The following ATP5F1A variants were observed in gnomAD, a reference collection of about 807,000 sequenced individuals.
ATP5F1A encodes ATP synthase F1 subunit alpha.
In ATP5F1A, 24 loss-of-function variants were observed where a neutral mutation model predicts 57.4. That is an observed-to-expected ratio of 0.42 (90% CI 0.30 to 0.59). The LOEUF is 0.59. Among genes scored for constraint, ATP5F1A ranks in the 20% least tolerant of loss-of-function variants. The probability of loss-of-function intolerance (pLI) is 0.19; values close to 1 mark genes in which losing one functional copy is unlikely to be tolerated. For missense variants in ATP5F1A, 494 were observed against 707.9 expected, an observed-to-expected ratio of 0.70 and a Z score of 3.43; for synonymous variants, 251 against 255.5, an observed-to-expected ratio of 0.98 and a Z score of 0.17.
chr18:46,084,666 C>G lies in ATP5F1A; in HGVS notation c.1430-12G>C, dbSNP rs774025106. ...AATAGCCATGGGAGCTGAAAAGATACAAGAAGAATGCCAAGTGAGTTGCTC... is the reference window on the plus strand; with the variant it reads ...AATAGCCATGGGAGCTGAAAAGATAGAAGAAGAATGCCAAGTGAGTTGCTC... On this transcript the variant is annotated splice_polypyrimidine_tract_variant and intron_variant, in intron 10 of 11. Coordinates refer to ENST00000398752, the MANE Select transcript of ATP5F1A (RefSeq NM_004046.6). 3 of 1,547,978 alleles carry G rather than the reference C, an allele frequency of 1.9e-6. No individual in the cohort carries two copies. Among genetic ancestry groups the G allele is most frequent in the South Asian group, 2.5e-5 (2 of 80,580 alleles).
chr18:46,086,303 C>G, intron 9 of ATP5F1A, 46 bp from the exon 10 acceptor site: 9 of 1,610,628 alleles, frequency 5.6e-6, no homozygotes, highest in Non-Finnish European at 7.6e-6. Context: ...ACACAGAGCA[C>G]TATACAAATA....
intron 2 of ATP5F1A, chr18:46,094,735 A>G: frequency 4.8e-6 from 1 of 210,012 alleles, no homozygotes; most frequent in Non-Finnish European, 9.3e-6. Context: ...CTTTTAGAAA[A>G]GGAAAAAGGA....
Position 46,085,889 on chromosome 18 carries a change from C to T in ATP5F1A, c.1429+224G>A, listed in dbSNP as rs140974049. 2,534 of 517,498 alleles carry T rather than the reference C, an allele frequency of 4.9e-3. 59 individuals are homozygous for T. The highest frequency in any genetic ancestry group is 0.044 in the African/African-American group (2,222 of 50,944). The allele number at this position is 517,498 out of a possible 1,614,324, so 32.1% of individuals were successfully genotyped here. A position where few individuals can be genotyped will look rare whatever the true frequency, so the allele number is the denominator to read the frequency against. The stretch of plus-strand genomic sequence containing the variant: ...TGGAGGTTGCAATGAGCCAAGGTTG[C>T]GCCATTGCACTTCAGCCTAGGCCGT... On this transcript the variant is annotated intron_variant, in intron 10 of 11. Coordinates refer to ENST00000398752, the MANE Select transcript of ATP5F1A (RefSeq NM_004046.6).
At chr18:46,091,946 G>A in intron 2 of ATP5F1A, 95 bp from the exon 3 acceptor site, 1 of 1,227,580 alleles carries the variant, frequency 8.1e-7, no homozygotes, top group Non-Finnish European at 1.1e-6. Context: ...GCTGAGGCAG[G>A]CAGATCACCT....
upstream of ATP5F1A, among the ~76,000 whole-genome samples, chr18:46,099,058 C>A (rs943904645): frequency 6.7e-6 from 1 of 149,654 alleles, no homozygotes; most frequent in African/African-American, 2.5e-5. Flanking sequence ...ACCTGTGTAA[C>A]AAACCTGCAC....
At chr18:46,088,074 A>T (rs959859113) in intron 6 of ATP5F1A, 35 bp downstream of exon 6, 1 of 1,581,620 alleles carries the variant, frequency 6.3e-7, no homozygotes, top group South Asian at 1.2e-5. Flanking sequence ...ATGGGACTTA[A>T]GATAATAGCA....
At chr18:46,101,799 C>G (rs566147569), upstream of ATP5F1A, among the ~76,000 whole-genome samples, 1 of 148,202 alleles carries the variant, frequency 6.7e-6, no homozygotes, top group African/African-American at 2.5e-5. Flanking sequence ...GGCTGAGGCA[C>G]GAGAATCACT....
intron 1 of ATP5F1A, 90 bp downstream of exon 1, chr18:46,098,082 T>TC (rs1412080379): frequency 6.8e-7 from 1 of 1,474,616 alleles, no homozygotes; most frequent in African/African-American, 1.4e-5. Flanking sequence ...CCACAGCCCC[T>TC]CGCCCTCCTG....
rs371671312 is a variant in ATP5F1A, at chr18:46,098,240, T to A, written c.-9A>T. The stretch of plus-strand genomic sequence containing the variant: ...ACGCGCACGGACAGCATCTTTGCAG[T>A]TACTCCGCAGGCGGTACTTCTGCAG... On this transcript the variant is annotated 5_prime_UTR_variant, in exon 1 of 12. Transcript: ENST00000398752. 8 of 1,604,426 alleles carry A rather than the reference T, an allele frequency of 5.0e-6. No homozygotes were observed. The highest frequency in any genetic ancestry group is 2.2e-5 in the East Asian group (1 of 44,796).
intron 1 of ATP5F1A, among the ~76,000 whole-genome samples, chr18:46,095,603 A>G (rs1910887340): frequency 6.6e-6 from 1 of 151,374 alleles, no homozygotes; most frequent in African/African-American, 2.4e-5. Flanking sequence ...AGGCGTGAGC[A>G]CCGCACCCGG....
chr18:46,088,327 G>C (rs1910276527), intron 5 of ATP5F1A, 70 bp from the exon 6 acceptor site: 1 of 1,358,638 alleles, frequency 7.4e-7, no homozygotes, highest in African/African-American at 1.5e-5. Context: ...GAAAGAAAGA[G>C]AGATCAGACT....
chr18:46,099,013 A>T (rs1213743169), upstream of ATP5F1A, among the ~76,000 whole-genome samples: 1 of 151,774 alleles, frequency 6.6e-6, no homozygotes, highest in Non-Finnish European at 1.5e-5. Context: ...AGGTGATGGG[A>T]TGATAGTTAC....
At chr18:46,096,637 G>A (rs1910976629) in intron 1 of ATP5F1A, among the ~76,000 whole-genome samples, 1 of 151,432 alleles carries the variant, frequency 6.6e-6, no homozygotes, top group Admixed American at 6.6e-5. Flanking sequence ...TTCCTACAAG[G>A]GGCAAAACTC....
intron 2 of ATP5F1A, among the ~76,000 whole-genome samples, chr18:46,092,838 TA>T (rs1163546943): frequency 6.6e-6 from 1 of 152,120 alleles, no homozygotes; most frequent in Non-Finnish European, 1.5e-5. Context: ...CTAAATTCAA[TA>T]AAAACATATT....
Position 46,080,454 on chromosome 18 carries a change from G to C in ATP5F1A, c.*3828C>G, listed in dbSNP as rs905681100. ...CCTGCCTGGTTAAAAACAGCCAGGTGCCTATGAGGTCTCCTATGTCATTAG... is the reference window on the plus strand; with the variant it reads ...CCTGCCTGGTTAAAAACAGCCAGGTCCCTATGAGGTCTCCTATGTCATTAG... On this transcript the variant is annotated 3_prime_UTR_variant, in exon 12 of 12. Transcript: ENST00000398752. 4 of 152,196 alleles carry C rather than the reference G, an allele frequency of 2.6e-5. No individual in the cohort carries two copies. The highest frequency in any genetic ancestry group is 9.7e-5 in the African/African-American group (4 of 41,438). The allele number at this position is 152,196 out of a possible 1,614,324, so 9.4% of individuals were successfully genotyped here. A position where few individuals can be genotyped will look rare whatever the true frequency, so the allele number is the denominator to read the frequency against.
chr18:46,086,137 C>T lies in ATP5F1A; in HGVS notation c.1405G>A (p.Glu469Lys). The change falls in exon 10 of 12, where the codon GAG (glutamate) becomes AAG (lysine). Residue 469 changes from glutamate (E) to lysine (K), a missense_variant. Glu to Lys is a moderately conservative substitution (Grantham distance 56). Around this residue, in one of 6 missense-constraint regions of ATP5F1A, gnomAD observed 127 missense variants for 195.2 expected, o/e 0.65. Transcript: ENST00000398752. ...QLLSRGVRLT[E>K]LLKQGQYSPM... The stretch of plus-strand genomic sequence containing the variant: ...CAATACTGTCCTTGCTTCAGCAACT[C>T]AGTTAGACGCACGCCACGACTCAAA... 6.2e-7 allele frequency: 1 copy of T among 1,612,154 alleles called. No homozygotes were observed. Among genetic ancestry groups the T allele is most frequent in the South Asian group, 1.1e-5 (1 of 90,996 alleles).
chr18:46,091,481 A>C (rs1352118819), intron 3 of ATP5F1A, among the ~76,000 whole-genome samples: 1 of 152,186 alleles, frequency 6.6e-6, no homozygotes, highest in Non-Finnish European at 1.5e-5. Context: ...GTTATGTATA[A>C]ATCAGTCCCT....
intron 10 of ATP5F1A, chr18:46,085,186 C>CT (rs908073610): frequency 2.6e-5 from 4 of 151,340 alleles, no homozygotes; most frequent in Admixed American, 6.6e-5. Context: ...CTTTAGGACT[C>CT]TGAGGCGGGT....
chr18:46,097,937 C>T, intron 1 of ATP5F1A: 7 of 1,263,114 alleles, frequency 5.5e-6, no homozygotes, highest in Non-Finnish European at 6.0e-6. Flanking sequence ...ATCTTGAGGC[C>T]CTGTCTCTGG....
Sources: gnomAD v4.1 joint callset for allele counts (sites outside exome capture counted in the v4.1 genomes callset) on GRCh38, gnomAD v4.1.1 for gene constraint, gnomAD v4.1.1 regional missense constraint, MANE v1.5 for transcripts, NCBI Gene and HGNC (gene_info 2026-07-23, HGNC 2026-07-21) for gene names.